MCC: variants seen among roughly 807,000 people sequenced by gnomAD.
MCC encodes the protein colorectal mutant cancer protein.
Under a neutral mutation model 116.2 loss-of-function variants are expected in MCC, and 90 were observed. The observed-to-expected ratio is 0.77, with a 90% CI of 0.65 to 0.92. The LOEUF (loss-of-function observed/expected upper bound fraction) is 0.92. Among genes scored for constraint, MCC ranks in the 40% least tolerant of loss-of-function variants. The pLI is 0.00. For missense variants in MCC, 1,516 were observed against 1,312.2 expected, an observed-to-expected ratio of 1.16 and a Z score of -2.40; for synonymous variants, 578 against 510.5, an observed-to-expected ratio of 1.13 and a Z score of -1.78.
chr5:113,055,833 C>A (rs1752799225), intron 14 of MCC, among the ~76,000 whole-genome samples: 1 of 152,198 alleles, frequency 6.6e-6, no homozygotes, highest in African/African-American at 2.4e-5. Flanking sequence ...GAGACTGTTT[C>A]CATACAGTGA....
At chr5:113,416,874 A>T (rs879355264) in intron 1 of MCC, among the ~76,000 whole-genome samples, 60 of 152,290 alleles carry the variant, frequency 3.9e-4, no homozygotes, top group Admixed American at 2.5e-3. Context: ...TATTTTTGTC[A>T]ACAATTTGCA....
chr5:113,274,513 C>T (rs1325373629), intron 3 of MCC, among the ~76,000 whole-genome samples: 1 of 152,120 alleles, frequency 6.6e-6, no homozygotes, highest in Non-Finnish European at 1.5e-5. Context: ...GCGCATGCCA[C>T]CACACCCGGC....
chr5:113,111,421 C>A (rs553181817), intron 6 of MCC, among the ~76,000 whole-genome samples: 1 of 152,170 alleles, frequency 6.6e-6, no homozygotes, highest in Non-Finnish European at 1.5e-5. Context: ...GTGTGCCCTG[C>A]GATGGGATGG....
chr5:113,061,427 T>G (rs1453406130), intron 14 of MCC, among the ~76,000 whole-genome samples: 2 of 152,214 alleles, frequency 1.3e-5, no homozygotes, highest in African/African-American at 2.4e-5. Flanking sequence ...TCCTAACATT[T>G]TAGTCCTTGT....
chr5:113,030,521 A>T (rs1220834060), intron 17 of MCC, among the ~76,000 whole-genome samples: 1 of 152,130 alleles, frequency 6.6e-6, no homozygotes, highest in Non-Finnish European at 1.5e-5. Context: ...TCTACAAAAA[A>T]ATATAAAACT....
intron 1 of MCC, among the ~76,000 whole-genome samples, chr5:113,409,538 G>C (rs922832623): frequency 5.3e-5 from 8 of 152,010 alleles, no homozygotes; most frequent in Non-Finnish European, 8.8e-5. Flanking sequence ...TTCTTGTAAA[G>C]ATGGGGTCTC....
intron 1 of MCC, among the ~76,000 whole-genome samples, chr5:113,474,921 G>A (rs1232236436): frequency 6.6e-6 from 1 of 152,162 alleles, no homozygotes; most frequent in East Asian, 1.9e-4. Flanking sequence ...GCCCTCTCTT[G>A]AAAGCATCAA....
At chr5:113,033,509 A>G (rs1209714424) in intron 17 of MCC, among the ~76,000 whole-genome samples, 1 of 152,146 alleles carries the variant, frequency 6.6e-6, no homozygotes, top group Non-Finnish European at 1.5e-5. Context: ...TCTAATTTAA[A>G]TTTGCTTAGC....
intron 3 of MCC, among the ~76,000 whole-genome samples, chr5:113,195,196 G>C (rs78640650): frequency 0.052 from 7,910 of 152,274 alleles, 243 homozygotes; most frequent in Non-Finnish European, 0.058. Context: ...TGAGGGGGTC[G>C]ATCAATATCC....
chr5:113,216,116 T>G (rs1282394544), intron 3 of MCC, among the ~76,000 whole-genome samples: 2 of 152,228 alleles, frequency 1.3e-5, no homozygotes, highest in Non-Finnish European at 2.9e-5. Context: ...CCCCTTTATT[T>G]ACATAGTGCC....
intron 2 of MCC, among the ~76,000 whole-genome samples, chr5:113,367,678 G>GAC (rs1561540268): frequency 6.7e-6 from 1 of 149,396 alleles, no homozygotes; most frequent in Non-Finnish European, 1.5e-5. Flanking sequence ...GCGAGAGAGA[G>GAC]AATCCCCTGA....
chr5:113,360,442 A>G (rs1443718725), intron 2 of MCC, among the ~76,000 whole-genome samples: 1 of 152,180 alleles, frequency 6.6e-6, no homozygotes, highest in Non-Finnish European at 1.5e-5. Flanking sequence ...AAGTAAAATT[A>G]GCCCATAATT....
intron 2 of MCC, among the ~76,000 whole-genome samples, chr5:113,362,416 A>G (rs1005251288): frequency 6.6e-6 from 1 of 152,250 alleles, no homozygotes; most frequent in Non-Finnish European, 1.5e-5. Flanking sequence ...TACATTTGAA[A>G]AGAAAGCATA....
chr5:113,357,644 A>G (rs1255009752), intron 2 of MCC, among the ~76,000 whole-genome samples: 4 of 152,364 alleles, frequency 2.6e-5, no homozygotes, highest in Admixed American at 2.6e-4. Context: ...AGTGGGCTCA[A>G]CCATGTGCAC....
chr5:113,382,471 T>G (rs1436921965), intron 2 of MCC, among the ~76,000 whole-genome samples: 1 of 151,852 alleles, frequency 6.6e-6, no homozygotes, highest in Non-Finnish European at 1.5e-5. Flanking sequence ...CCAGGCTAGT[T>G]TCAAACTTGT....
chr5:113,141,613 AGCCTTGCAGGGAATCCCCTCGAGGAGGG>A (rs996927936), intron 5 of MCC, among the ~76,000 whole-genome samples: 1 of 152,196 alleles, frequency 6.6e-6, no homozygotes, highest in Non-Finnish European at 1.5e-5. Flanking sequence ...AGTGCCTTCC[AGCCTTGCAGGGAATCCCCTCGAGGAGGG>A]GCCAGCTCAT....
intron 3 of MCC, among the ~76,000 whole-genome samples, chr5:113,319,682 C>G (rs1408979688): frequency 6.6e-6 from 1 of 152,128 alleles, no homozygotes; most frequent in African/African-American, 2.4e-5. Context: ...TGAGATCAAA[C>G]TCAAAATTAA....
At chr5:113,215,195 G>A (rs1763265927) in intron 3 of MCC, among the ~76,000 whole-genome samples, 1 of 152,178 alleles carries the variant, frequency 6.6e-6, no homozygotes, top group Admixed American at 6.5e-5. Flanking sequence ...GGTCTCTGCT[G>A]TCAGACTTCC....
At chr5:113,480,300 C>G (rs995651009) in intron 1 of MCC, among the ~76,000 whole-genome samples, 3 of 152,208 alleles carry the variant, frequency 2.0e-5, no homozygotes, top group African/African-American at 7.2e-5. Context: ...TCACTGATAA[C>G]TTCAGTTTTG....
Sources: gnomAD v4.1 joint callset for allele counts (sites outside exome capture counted in the v4.1 genomes callset) on GRCh38, gnomAD v4.1.1 for gene constraint, MANE v1.5 for transcripts, NCBI Gene and HGNC (gene_info 2026-07-23, HGNC 2026-07-21) for gene names.